RASSF3: variants seen among roughly 807,000 people sequenced by gnomAD.
RASSF3 encodes Ras association domain family member 3.
A neutral mutation model predicts 19.9 loss-of-function variants in RASSF3; 19 were observed. The ratio of observed to expected loss-of-function variants is 0.96; its 90% CI spans 0.67 to 1.40. The LOEUF is 1.40. Ranked by LOEUF, RASSF3 falls within the 40% of genes most tolerant of loss-of-function variation. The pLI is 0.00. For missense variants in RASSF3, 306 were observed against 289.8 expected (o/e 1.06, Z -0.41); for synonymous variants, 110 against 104.2 (o/e 1.06, Z -0.34).
intron 1 of RASSF3, among the ~76,000 whole-genome samples, chr12:64,679,874 C>A (rs1406862558): frequency 6.6e-6 from 1 of 152,166 alleles, no homozygotes; most frequent in Non-Finnish European, 1.5e-5. Context: ...TGGCATGATG[C>A]CCTCACTGGC....
At chr12:64,568,109 G>A (rs973017428) in intron 2 of RASSF3, among the ~76,000 whole-genome samples, 3 of 152,172 alleles carry the variant, frequency 2.0e-5, no homozygotes, top group African/African-American at 7.2e-5. Flanking sequence ...TTGGCTCACT[G>A]CAACCTCTGC....
At chr12:64,624,552 G>A (rs936804046) in intron 1 of RASSF3, among the ~76,000 whole-genome samples, 1 of 151,918 alleles carries the variant, frequency 6.6e-6, no homozygotes, top group Non-Finnish European at 1.5e-5. Context: ...TGGTATTACA[G>A]GTATGGGCCA....
chr12:64,523,880 A>C (rs1330044082), intron 1 of RASSF3, among the ~76,000 whole-genome samples: 1 of 151,742 alleles, frequency 6.6e-6, no homozygotes, highest in South Asian at 2.1e-4. Flanking sequence ...CCAAGGGACA[A>C]ATGTTTTCAA....
chr12:64,548,894 G>A (rs148741206), intron 2 of RASSF3, among the ~76,000 whole-genome samples: 2 of 152,318 alleles, frequency 1.3e-5, no homozygotes, highest in Non-Finnish European at 2.9e-5. Context: ...CATTAGTGAA[G>A]TTAAGACTCA....
At chr12:64,550,291 G>A (rs1423652753) in intron 2 of RASSF3, among the ~76,000 whole-genome samples, 1 of 152,000 alleles carries the variant, frequency 6.6e-6, no homozygotes, top group African/African-American at 2.4e-5. Context: ...AAACGAGAAG[G>A]GGAAAGAAAG....
chr12:64,617,810 G>C (rs1486303642), intron 1 of RASSF3, among the ~76,000 whole-genome samples: 3 of 152,106 alleles, frequency 2.0e-5, no homozygotes, highest in Admixed American at 6.5e-5. Flanking sequence ...GCCCGCCTCG[G>C]CCTCCCAAAG....
upstream of RASSF3, among the ~76,000 whole-genome samples, chr12:64,608,753 G>A (rs1181287616): frequency 6.6e-6 from 1 of 152,096 alleles, no homozygotes; most frequent in African/African-American, 2.4e-5. Flanking sequence ...TAAGAGCTGC[G>A]CTAATATTAT....
intron 1 of RASSF3, among the ~76,000 whole-genome samples, chr12:64,533,812 G>T (rs1233305975): frequency 6.6e-6 from 1 of 152,240 alleles, no homozygotes; most frequent in African/African-American, 2.4e-5. Flanking sequence ...GAAAATGCAT[G>T]CAGGCTTGCA....
In RASSF3 at chr12:64,668,274, T is replaced by TTCTTCTTCTTC. The variant is rs1323572304; in HGVS notation, c.112-16512_112-16511insCTTCTTCTTCT. Among the ~76,000 whole-genome samples, 280 of 87,820 alleles carry TTCTTCTTCTTC rather than the reference T, an allele frequency of 3.2e-3. 1 individual carries two copies. The highest frequency in any genetic ancestry group is 9.1e-3 in the African/African-American group (267 of 29,378). The allele number at this position is 87,820 out of a possible 152,430, so 57.6% of individuals were successfully genotyped here. ...CAATCCTTTTCTTCTTCTTCTTCTT[T>TTCTTCTTCTTC]TTTTTTTTTTCTCTTCAATTGAAAC... On this transcript the variant is annotated intron_variant, in intron 1 of 4. Coordinates refer to ENST00000542104, the MANE Select transcript of RASSF3 (RefSeq NM_178169.4).
At chr12:64,641,060 C>T (rs1871499542) in intron 1 of RASSF3, among the ~76,000 whole-genome samples, 5 of 152,092 alleles carry the variant, frequency 3.3e-5, no homozygotes, top group Admixed American at 1.3e-4. Context: ...ACTTATTTAA[C>T]GTCAATCATC....
At position 64,696,060 on chromosome 12, in the gene RASSF3, T is replaced by G. The variant is rs1868352382; in HGVS notation, c.*1148T>G. The G allele has an allele frequency of 6.6e-6, 1 of 151,696 alleles. No homozygotes were observed. The highest frequency in any genetic ancestry group is 2.1e-4 in the South Asian group (1 of 4,798). 9.4% of individuals were successfully genotyped at this position (151,696 alleles called of 1,614,324 possible). A position where few individuals can be genotyped will look rare whatever the true frequency, so the allele number is the denominator to read the frequency against. ...TTCCCTTTTTTCTTTCCTTCCCTGCTGTCTCCCACCCTACCTTGTTCTTTT... is the reference window on the plus strand; with the variant it reads ...TTCCCTTTTTTCTTTCCTTCCCTGCGGTCTCCCACCCTACCTTGTTCTTTT... On this transcript the variant is annotated 3_prime_UTR_variant, in exon 5 of 5. Coordinates refer to ENST00000542104, the MANE Select transcript of RASSF3 (RefSeq NM_178169.4).
chr12:64,675,447 G>A (rs944403797), intron 1 of RASSF3, among the ~76,000 whole-genome samples: 3 of 152,110 alleles, frequency 2.0e-5, no homozygotes, highest in Non-Finnish European at 2.9e-5. Flanking sequence ...ACTGTGCCCG[G>A]CCTGGTTTCT....
intron 1 of RASSF3, among the ~76,000 whole-genome samples, chr12:64,664,935 T>C (rs1201398124): frequency 6.6e-6 from 1 of 152,216 alleles, no homozygotes; most frequent in Non-Finnish European, 1.5e-5. Flanking sequence ...ACTAATTATT[T>C]CAGTTCTCTA....
intron 1 of RASSF3, among the ~76,000 whole-genome samples, chr12:64,645,115 T>G (rs1180570696): frequency 6.6e-6 from 1 of 152,078 alleles, no homozygotes; most frequent in African/African-American, 2.4e-5. Flanking sequence ...TTTTCTGAAT[T>G]TTTTCAACAA....
intron 2 of RASSF3, among the ~76,000 whole-genome samples, chr12:64,577,008 T>C (rs1029282629): frequency 2.0e-5 from 3 of 152,070 alleles, no homozygotes; most frequent in Admixed American, 1.3e-4. Context: ...TTGCAAAAAA[T>C]AAAAAATAGT....
chr12:64,662,089 C>G (rs7955980), intron 1 of RASSF3, among the ~76,000 whole-genome samples: 8,752 of 151,688 alleles, frequency 0.058, 847 homozygotes, highest in African/African-American at 0.2. Context: ...AAAATCCCTG[C>G]CTTTGTGGAG....
chr12:64,686,338 C>T (rs929434062), intron 2 of RASSF3, among the ~76,000 whole-genome samples: 1 of 151,604 alleles, frequency 6.6e-6, no homozygotes, highest in Non-Finnish European at 1.5e-5. Flanking sequence ...GTCAAGAGTT[C>T]GACGGTGGCT....
chr12:64,537,912 C>T (rs1868861767), intron 1 of RASSF3, among the ~76,000 whole-genome samples: 1 of 152,090 alleles, frequency 6.6e-6, no homozygotes, highest in South Asian at 2.1e-4. Flanking sequence ...TCTTGGCTTA[C>T]AGATGGCCAC....
chr12:64,689,418 C>A (rs996196560), intron 3 of RASSF3, among the ~76,000 whole-genome samples: 16 of 152,050 alleles, frequency 1.1e-4, no homozygotes, highest in Non-Finnish European at 1.6e-4. Context: ...TGGGGCTAGA[C>A]CCTGTGGAAT....
Sources: allele counts gnomAD v4.1 joint callset (sites outside exome capture counted in the v4.1 genomes callset), GRCh38; gene constraint gnomAD v4.1.1; transcripts MANE v1.5; gene names NCBI Gene and HGNC (gene_info 2026-07-23, HGNC 2026-07-21).